FRY: variants seen among roughly 807,000 people sequenced by gnomAD.
FRY encodes protein furry homolog.
In FRY, 128 loss-of-function variants were observed where a neutral mutation model predicts 348.4. The observed-to-expected ratio is 0.37, with a 90% CI of 0.32 to 0.43. The LOEUF is 0.43. Among genes scored for constraint, FRY ranks in the 20% least tolerant of loss-of-function variants. The pLI is 1.00. For missense variants in FRY, 2,736 were observed against 3,695.2 expected (o/e 0.74, Z 6.73); for synonymous variants, 1,370 against 1,374.7 (o/e 1.00, Z 0.08).
intron 53 of FRY, among the ~76,000 whole-genome samples, chr13:32,263,622 A>C (rs1887781394): frequency 6.6e-6 from 1 of 152,208 alleles, no homozygotes; most frequent in African/African-American, 2.4e-5. Flanking sequence ...AAATCACAAA[A>C]TATATGTGCA....
At chr13:32,195,196 A>G (rs1161691905) in intron 29 of FRY, among the ~76,000 whole-genome samples, 1 of 152,200 alleles carries the variant, frequency 6.6e-6, no homozygotes, top group African/African-American at 2.4e-5. Context: ...TTATAAAGAT[A>G]GTAGATAACA....
intron 36 of FRY, among the ~76,000 whole-genome samples, chr13:32,220,109 T>C (rs759221514): frequency 3.9e-5 from 6 of 152,370 alleles, no homozygotes; most frequent in Middle Eastern, 6.8e-3. Context: ...TGGGATTTAT[T>C]CTTTTTTGTC....
At chr13:32,241,690 G>T (rs905528480) in intron 46 of FRY, among the ~76,000 whole-genome samples, 115 of 152,154 alleles carry the variant, frequency 7.6e-4, no homozygotes, top group African/African-American at 2.7e-3. Flanking sequence ...GTGTATCAGT[G>T]TACTCTGGCA....
At chr13:32,118,682 G>A (rs1428329027) in intron 4 of FRY, among the ~76,000 whole-genome samples, 6 of 152,070 alleles carry the variant, frequency 3.9e-5, no homozygotes, top group African/African-American at 9.7e-5. Context: ...TTACAGGGTT[G>A]TACAACCATT....
chr13:32,115,740 ATAGTCCCAGG>A (rs1333660174), intron 3 of FRY, among the ~76,000 whole-genome samples: 1 of 151,846 alleles, frequency 6.6e-6, no homozygotes. Context: ...CCTTTCTAAA[ATAGTCCCAGG>A]TAAACTCTCA....
chr13:32,252,925 G>A (rs981476228), intron 50 of FRY, among the ~76,000 whole-genome samples: 9 of 152,078 alleles, frequency 5.9e-5, no homozygotes, highest in African/African-American at 2.2e-4. Flanking sequence ...GGGGACAGTG[G>A]CAGAGGCAGA....
intron 57 of FRY, among the ~76,000 whole-genome samples, chr13:32,277,859 C>G (rs1888611260): frequency 6.6e-6 from 1 of 152,222 alleles, no homozygotes; most frequent in Non-Finnish European, 1.5e-5. Flanking sequence ...ACTAATCTAG[C>G]CTTTAATGTC....
intron 29 of FRY, among the ~76,000 whole-genome samples, chr13:32,194,730 A>AG (rs1425158754): frequency 2.0e-5 from 3 of 152,226 alleles, no homozygotes; most frequent in Non-Finnish European, 4.4e-5. Flanking sequence ...AAGGAAAAAA[A>AG]GAAAAGAAAA....
intron 39 of FRY, among the ~76,000 whole-genome samples, chr13:32,226,513 A>T (rs1157498516): frequency 6.6e-6 from 1 of 152,252 alleles, no homozygotes; most frequent in Non-Finnish European, 1.5e-5. Flanking sequence ...GATGGCATTA[A>T]CTGAGACAAA....
At chr13:32,285,833 C>T (rs1889017966) in intron 58 of FRY, among the ~76,000 whole-genome samples, 1 of 152,096 alleles carries the variant, frequency 6.6e-6, no homozygotes, top group Admixed American at 6.6e-5. Flanking sequence ...TAAGACTCTC[C>T]CTGTGTGACT....
chr13:32,238,052 A>G, intron 44 of FRY, 66 bp downstream of exon 44: 1 of 1,554,758 alleles, frequency 6.4e-7, no homozygotes, highest in Non-Finnish European at 8.8e-7. Context: ...TTGGTACAAT[A>G]AGATAATATG....
intron 1 of FRY, among the ~76,000 whole-genome samples, chr13:32,076,311 A>G (rs895761310): frequency 1.3e-5 from 2 of 152,214 alleles, no homozygotes; most frequent in East Asian, 1.9e-4. Context: ...ATAAAAAGTC[A>G]TACTCCAAAT....
At chr13:32,138,870 G>C (rs183247714) in intron 11 of FRY, among the ~76,000 whole-genome samples, 2 of 152,276 alleles carry the variant, frequency 1.3e-5, no homozygotes, top group African/African-American at 4.8e-5. Flanking sequence ...TTCAAAATGC[G>C]TGATGCAGAC....
At chr13:32,137,812 A>G (rs7981972) in intron 11 of FRY, among the ~76,000 whole-genome samples, 10,812 of 152,248 alleles carry the variant, frequency 0.071, 1,019 homozygotes, top group African/African-American at 0.21. Context: ...AAAATTTTGT[A>G]TGTGCTTATA....
intron 51 of FRY, among the ~76,000 whole-genome samples, chr13:32,260,739 G>A (rs1887587036): frequency 6.6e-6 from 1 of 151,724 alleles, no homozygotes; most frequent in South Asian, 2.1e-4. Context: ...GCCTGACATG[G>A]AACCCAGAAG....
intron 31 of FRY, among the ~76,000 whole-genome samples, chr13:32,203,489 G>A (rs530071569): frequency 1.6e-4 from 24 of 152,192 alleles, no homozygotes; most frequent in Admixed American, 2.6e-4. Context: ...ACTGGAGACC[G>A]AGGAGGGCTA....
chr13:32,134,099 A>G (rs1879550952), intron 8 of FRY, among the ~76,000 whole-genome samples: 1 of 152,152 alleles, frequency 6.6e-6, no homozygotes, highest in Non-Finnish European at 1.5e-5. Context: ...CTTGAATGAA[A>G]ACAATACCTG....
intron 11 of FRY, among the ~76,000 whole-genome samples, chr13:32,140,439 C>T (rs943277347): frequency 3.3e-5 from 5 of 152,072 alleles, no homozygotes; most frequent in Admixed American, 6.6e-5. Context: ...AAATCCATTC[C>T]GTCAGTTGCC....
intron 20 of FRY, among the ~76,000 whole-genome samples, chr13:32,177,920 T>C (rs1882468150): frequency 6.6e-6 from 1 of 152,250 alleles, no homozygotes; most frequent in South Asian, 2.1e-4. Context: ...CACAGTGCTC[T>C]GTGGCAATAA....
Sources: gnomAD v4.1 joint callset for allele counts (sites outside exome capture counted in the v4.1 genomes callset) on GRCh38, gnomAD v4.1.1 for gene constraint, MANE v1.5 for transcripts, NCBI Gene and HGNC (gene_info 2026-07-23, HGNC 2026-07-21) for gene names.